The following EVI5 variants were observed in gnomAD, a reference collection of about 807,000 sequenced individuals.
EVI5 encodes ecotropic viral integration site 5 protein homolog.
In EVI5, 73 loss-of-function variants were observed where a neutral mutation model predicts 112.0. That is an observed-to-expected ratio of 0.65 (90% CI 0.54 to 0.79). The LOEUF (loss-of-function observed/expected upper bound fraction) is 0.79, where lower values mean the gene tolerates loss of function less well. EVI5 is among the 30% of genes least tolerant of loss of function. The pLI, the probability that EVI5 is intolerant of heterozygous loss-of-function variation, is 0.00. For missense variants in EVI5, 900 were observed against 968.8 expected (o/e 0.93, Z 0.94); for synonymous variants, 305 against 319.9 (o/e 0.95, Z 0.50).
intron 10 of EVI5, among the ~76,000 whole-genome samples, chr1:92,667,269 G>C (rs1274496870): frequency 6.6e-6 from 1 of 151,926 alleles, no homozygotes; most frequent in Non-Finnish European, 1.5e-5. Flanking sequence ...GGGCAACAGA[G>C]CAAGACCTTG....
intron 1 of EVI5, among the ~76,000 whole-genome samples, chr1:92,738,413 C>T (rs1305168816): frequency 6.6e-6 from 1 of 152,056 alleles, no homozygotes; most frequent in African/African-American, 2.4e-5. Context: ...TACACTTTAC[C>T]AATAATTTCA....
chr1:92,555,499 A>C (rs1667532538), intron 19 of EVI5, among the ~76,000 whole-genome samples: 1 of 152,202 alleles, frequency 6.6e-6, no homozygotes, highest in Non-Finnish European at 1.5e-5. Context: ...AAACTAGGTA[A>C]CATACTTGGA....
chr1:92,612,200 T>C (rs1237566054), intron 16 of EVI5, among the ~76,000 whole-genome samples: 1 of 146,842 alleles, frequency 6.8e-6, no homozygotes, highest in Admixed American at 6.8e-5. Context: ...CAAACATTAA[T>C]AGAAAACAAA....
chr1:92,754,236 A>G (rs115501324), intron 1 of EVI5, among the ~76,000 whole-genome samples: 8 of 152,328 alleles, frequency 5.3e-5, no homozygotes, highest in Admixed American at 1.3e-4. Flanking sequence ...TACTTCCACC[A>G]GAATACTATC....
At chr1:92,559,156 GT>G (rs1668127890) in intron 19 of EVI5, among the ~76,000 whole-genome samples, 1 of 152,120 alleles carries the variant, frequency 6.6e-6, no homozygotes, top group Non-Finnish European at 1.5e-5. Context: ...AATATAAACT[GT>G]TATACTGTAT....
chr1:92,618,356 A>C (rs921274417), intron 16 of EVI5, among the ~76,000 whole-genome samples: 1 of 152,162 alleles, frequency 6.6e-6, no homozygotes, highest in Non-Finnish European at 1.5e-5. Flanking sequence ...CGACTCCATT[A>C]AACTGCAAGT....
At chr1:92,683,931 G>A (rs2391201) in intron 9 of EVI5, among the ~76,000 whole-genome samples, 140,274 of 152,260 alleles carry the variant, frequency 0.92, 64,704 homozygotes, top group East Asian at 0.97. Context: ...TTTGATTGTT[G>A]TACCAGAAAG....
intron 2 of EVI5, among the ~76,000 whole-genome samples, chr1:92,712,189 C>T (rs532477586): frequency 1.3e-5 from 2 of 152,126 alleles, no homozygotes; most frequent in Non-Finnish European, 2.9e-5. Flanking sequence ...ATCAACAACA[C>T]CAAGCACAAA....
At chr1:92,739,068 T>A (rs1677917633) in intron 1 of EVI5, among the ~76,000 whole-genome samples, 2 of 150,822 alleles carry the variant, frequency 1.3e-5, no homozygotes, top group East Asian at 1.9e-4. Flanking sequence ...AGGTCAGGAG[T>A]TCGAGACCAG....
intron 9 of EVI5, among the ~76,000 whole-genome samples, chr1:92,681,626 C>A (rs1437333956): frequency 6.6e-6 from 1 of 152,132 alleles, no homozygotes; most frequent in African/African-American, 2.4e-5. Context: ...ACTTTTAAAA[C>A]CAGATCATGT....
rs545956917 is a variant in EVI5 at position 92,648,034 on chromosome 1, C to G, written c.1393-11698G>C. ...TGCTGGGATTACAGGCATGAGCCAC[C>G]ATGCCTGGCCTCAAATAACCATTTT... On this transcript the variant is annotated intron_variant, in intron 13 of 19. Transcript: ENST00000684568. Among the ~76,000 whole-genome samples, 6 of 145,112 alleles carry G rather than the reference C, an allele frequency of 4.1e-5. No individual in the cohort carries two copies. The East Asian group carries it at 1.3e-3, about 32-fold the overall frequency.
chr1:92,692,868 A>G (rs1238555377), intron 9 of EVI5, among the ~76,000 whole-genome samples: 1 of 152,224 alleles, frequency 6.6e-6, no homozygotes, highest in Non-Finnish European at 1.5e-5. Context: ...TATACCATAG[A>G]AAGTACAGTA....
intron 18 of EVI5, among the ~76,000 whole-genome samples, chr1:92,579,520 T>A (rs1671607616): frequency 6.6e-6 from 1 of 152,226 alleles, no homozygotes; most frequent in African/African-American, 2.4e-5. Context: ...TAATATACTA[T>A]AAAATTAATT....
intron 19 of EVI5, among the ~76,000 whole-genome samples, chr1:92,557,160 C>A (rs570262478): frequency 1.5e-4 from 23 of 152,212 alleles, no homozygotes; most frequent in African/African-American, 5.3e-4. Flanking sequence ...GAAACCAATA[C>A]AATGATTATT....
intron 19 of EVI5, among the ~76,000 whole-genome samples, chr1:92,528,034 GT>G (rs1392240706): frequency 6.6e-6 from 1 of 152,190 alleles, no homozygotes; most frequent in African/African-American, 2.4e-5. Flanking sequence ...TTTCCACAGA[GT>G]TTGTAATAGG....
chr1:92,574,395 A>G (rs1670733731), intron 18 of EVI5, among the ~76,000 whole-genome samples: 1 of 152,182 alleles, frequency 6.6e-6, no homozygotes, highest in South Asian at 2.1e-4. Flanking sequence ...CATACCACTT[A>G]AAAAGTTGAA....
intron 18 of EVI5, among the ~76,000 whole-genome samples, chr1:92,590,303 G>A (rs143935937): frequency 2.5e-3 from 382 of 152,212 alleles, no homozygotes; most frequent in African/African-American, 8.6e-3. Context: ...GGCTTCAGAC[G>A]ATCGAACTAC....
At chr1:92,769,480 C>T (rs1683081849) in intron 1 of EVI5, among the ~76,000 whole-genome samples, 1 of 152,138 alleles carries the variant, frequency 6.6e-6, no homozygotes, top group Non-Finnish European at 1.5e-5. Flanking sequence ...CCTCTCACGC[C>T]CCCTGCCACC....
intron 1 of EVI5, 62 bp downstream of exon 1, chr1:92,784,774 G>A (rs1400016571): frequency 1.0e-6 from 1 of 973,702 alleles, no homozygotes; most frequent in Non-Finnish European, 1.2e-6. Context: ...TGCGCCAGCG[G>A]AACACGGACT....
Sources: allele counts gnomAD v4.1 joint callset (sites outside exome capture counted in the v4.1 genomes callset), GRCh38; gene constraint gnomAD v4.1.1; transcripts MANE v1.5; gene names NCBI Gene and HGNC (gene_info 2026-07-23, HGNC 2026-07-21).